Variants in RBFOX1 observed in about 807,000 individuals in gnomAD.
RBFOX1 encodes the protein RNA binding protein fox-1 homolog 1.
In RBFOX1, 8 loss-of-function variants were observed where a neutral mutation model predicts 57.7. The observed-to-expected ratio is 0.14, with a 90% CI of 0.08 to 0.25. The LOEUF (loss-of-function observed/expected upper bound fraction) is 0.25. Among genes scored for constraint, RBFOX1 ranks in the 10% least tolerant of loss-of-function variants. RBFOX1 has a pLI of 1.00. For missense variants in RBFOX1, 611 were observed against 548.5 expected, an observed-to-expected ratio of 1.11 and a Z score of -1.14; for synonymous variants, 326 against 222.4, an observed-to-expected ratio of 1.47 and a Z score of -4.15.
At chr16:7,526,840 C>T (rs2078817640) in intron 5 of RBFOX1, among the ~76,000 whole-genome samples, 1 of 152,178 alleles carries the variant, frequency 6.6e-6, no homozygotes, top group South Asian at 2.1e-4. Context: ...TACTGAAGGT[C>T]ACTGTGGCTG....
At position 7,710,009 on chromosome 16, in the gene RBFOX1, C is replaced by G. The variant is rs2083702497; in HGVS notation, c.1072-614C>G. 8.9e-6 allele frequency: 9 copies of G among 1,008,928 alleles called. No homozygotes were observed. In the Admixed American group the frequency reaches 1.8e-4, roughly 20 times the overall value. 62.5% of individuals were successfully genotyped at this position (1,008,928 alleles called of 1,614,324 possible). ...GAAAAAGGAAATCGTTAAGTGCCAC[C>G]TTGTAGCCATTAAAACCATGGCCGG... On this transcript the variant is annotated intron_variant, in intron 15 of 15. Coordinates refer to ENST00000550418, the MANE Select transcript of RBFOX1 (RefSeq NM_018723.4).
chr16:5,894,243 C>T (rs892467890), intron 4 of RBFOX1, among the ~76,000 whole-genome samples: 9 of 152,074 alleles, frequency 5.9e-5, no homozygotes, highest in African/African-American at 1.4e-4. Context: ...GAGGTGGACT[C>T]GTAGAATCAA....
downstream of RBFOX1, chr16:5,601,106 C>G (rs954883023): frequency 3.3e-5 from 5 of 152,202 alleles, no homozygotes; most frequent in East Asian, 1.9e-4. Flanking sequence ...TATTGGCTGT[C>G]TCTTGCCCGT....
chr16:6,435,156 C>T (rs928649099), intron 2 of RBFOX1, among the ~76,000 whole-genome samples: 19 of 152,098 alleles, frequency 1.2e-4, no homozygotes, highest in Middle Eastern at 3.4e-3. Context: ...ATCACTTTTT[C>T]GTAGTGAACG....
chr16:5,443,109 G>T (rs894093228), intron 1 of RBFOX1, among the ~76,000 whole-genome samples: 2 of 152,124 alleles, frequency 1.3e-5, no homozygotes, highest in Non-Finnish European at 2.9e-5. Flanking sequence ...CACCTTTATT[G>T]TGGACTTCTA....
intron 1 of RBFOX1, among the ~76,000 whole-genome samples, chr16:6,083,605 T>C (rs1013699122): frequency 1.3e-5 from 2 of 152,230 alleles, no homozygotes; most frequent in East Asian, 3.9e-4. Context: ...GCCTCCCAAG[T>C]AGCTTGGACC....
At chr16:5,498,908 C>T (rs1445045414) in intron 2 of RBFOX1, among the ~76,000 whole-genome samples, 2 of 152,212 alleles carry the variant, frequency 1.3e-5, no homozygotes, top group Non-Finnish European at 2.9e-5. Context: ...GCAGGTCCAT[C>T]CTTCTCAGAG....
At chr16:7,373,532 A>G (rs1321612903) in intron 4 of RBFOX1, among the ~76,000 whole-genome samples, 1 of 152,158 alleles carries the variant, frequency 6.6e-6, no homozygotes, top group Non-Finnish European at 1.5e-5. Flanking sequence ...CTGGACTGTG[A>G]ACAGGAGATG....
chr16:6,488,425 G>T (rs1018778339), intron 2 of RBFOX1, among the ~76,000 whole-genome samples: 1 of 152,116 alleles, frequency 6.6e-6, no homozygotes, highest in Non-Finnish European at 1.5e-5. Context: ...ATTTCTTCCC[G>T]GGCACTTACT....
intron 3 of RBFOX1, among the ~76,000 whole-genome samples, chr16:6,942,240 A>G (rs2078667620): frequency 1.3e-5 from 2 of 152,122 alleles, no homozygotes; most frequent in African/African-American, 4.8e-5. Context: ...GGATCCCACC[A>G]CTGCACTTCA....
At chr16:7,063,152 G>C (rs1011976251) in intron 4 of RBFOX1, among the ~76,000 whole-genome samples, 4 of 151,840 alleles carry the variant, frequency 2.6e-5, no homozygotes, top group African/African-American at 7.3e-5. Context: ...TTGGTTTAGG[G>C]CACACGCAGG....
At chr16:5,260,022 G>A (rs1362036142) in intron 1 of RBFOX1, among the ~76,000 whole-genome samples, 1 of 152,172 alleles carries the variant, frequency 6.6e-6, no homozygotes, top group Non-Finnish European at 1.5e-5. Context: ...ACGACATGAT[G>A]AAACCTTGTC....
intron 1 of RBFOX1, among the ~76,000 whole-genome samples, chr16:5,330,763 A>G (rs1282289160): frequency 1.3e-5 from 2 of 150,336 alleles, no homozygotes; most frequent in Non-Finnish European, 3.0e-5. Flanking sequence ...AAGGAGCATC[A>G]TTTAAGGATG....
At chr16:6,211,149 G>T (rs1204743103) in intron 1 of RBFOX1, among the ~76,000 whole-genome samples, 2 of 150,248 alleles carry the variant, frequency 1.3e-5, no homozygotes, top group African/African-American at 4.9e-5. Flanking sequence ...CCATGAGACA[G>T]AGTGTTTTTG....
At chr16:6,766,195 G>C (rs187294647) in intron 3 of RBFOX1, among the ~76,000 whole-genome samples, 34 of 152,024 alleles carry the variant, frequency 2.2e-4, no homozygotes, top group African/African-American at 6.0e-4. Flanking sequence ...AAAAAGACAT[G>C]AATAAGAGCC....
chr16:7,468,506 G>C (rs1383612608), intron 4 of RBFOX1, among the ~76,000 whole-genome samples: 1 of 148,288 alleles, frequency 6.7e-6, no homozygotes, highest in Non-Finnish European at 1.5e-5. Flanking sequence ...ACCCATTGGA[G>C]TTTCCTTCCT....
chr16:7,568,839 A>T (rs1439768434), intron 5 of RBFOX1, among the ~76,000 whole-genome samples: 1 of 139,676 alleles, frequency 7.2e-6, no homozygotes, highest in African/African-American at 2.6e-5. Flanking sequence ...GTGAGCTGAG[A>T]TCACGCCACT....
At chr16:6,568,353 G>A (rs2097296521) in intron 2 of RBFOX1, among the ~76,000 whole-genome samples, 1 of 152,148 alleles carries the variant, frequency 6.6e-6, no homozygotes. Context: ...CACCACATGG[G>A]CCTCTTTACA....
At chr16:6,896,835 A>G (rs557984184) in intron 3 of RBFOX1, among the ~76,000 whole-genome samples, 9 of 152,312 alleles carry the variant, frequency 5.9e-5, no homozygotes, top group African/African-American at 1.7e-4. Flanking sequence ...TAGAAAGAAG[A>G]TTGCAGGTAA....
Sources: gnomAD v4.1 joint callset for allele counts (sites outside exome capture counted in the v4.1 genomes callset) on GRCh38, gnomAD v4.1.1 for gene constraint, MANE v1.5 for transcripts, NCBI Gene and HGNC (gene_info 2026-07-23, HGNC 2026-07-21) for gene names.